ASB11: variants seen among roughly 807,000 people sequenced by gnomAD.
ASB11 encodes ankyrin repeat and SOCS box containing 11.
In ASB11, 17 loss-of-function variants were observed where a neutral mutation model predicts 20.1. The observed-to-expected ratio is 0.85, with a 90% CI of 0.58 to 1.27. ASB11 has a LOEUF of 1.27. ASB11 is among the 50% of genes most tolerant of loss of function. The pLI, the probability that ASB11 is intolerant of heterozygous loss-of-function variation, is 0.00. For synonymous variants in ASB11, 107 were observed against 105.6 expected, an observed-to-expected ratio of 1.01 and a Z score of -0.08; for missense variants, 259 against 256.9, an observed-to-expected ratio of 1.01 and a Z score of -0.06.
At chrX:15,297,494 C>G in intron 3 of ASB11, 80 bp downstream of exon 3, 1 of 858,054 alleles carries the variant, frequency 1.2e-6, no homozygotes, top group Non-Finnish European at 1.6e-6. Flanking sequence ...GTGGGTAAGC[C>G]ATCTGGAAGG....
In ASB11 at chrX:15,283,495, A is replaced by T. The variant is rs1927248954; in HGVS notation, c.*10T>A. On this transcript the variant is annotated 3_prime_UTR_variant, in exon 7 of 7. Transcript: ENST00000480796. ...TGTCATTCCAAGTATCTTCCCAGGA[A>T]CACTTAGGACTATTGGTATAGGAGG... 2.5e-6 allele frequency: 3 copies of T among 1,208,558 alleles called. No individual in the cohort carries two copies. The highest frequency in any genetic ancestry group is 3.4e-6 in the Non-Finnish European group (3 of 894,267).
intron 6 of ASB11, among the ~76,000 whole-genome samples, chrX:15,286,674 A>G (rs1315621061): frequency 9.4e-6 from 1 of 106,636 alleles, no homozygotes; most frequent in Non-Finnish European, 1.9e-5. Context: ...AAAAAAAAAA[A>G]AAAAAAAAAA....
chrX:15,301,119 C>T (rs969003521), intron 2 of ASB11, among the ~76,000 whole-genome samples: 3 of 110,838 alleles, frequency 2.7e-5, no homozygotes, highest in Non-Finnish European at 5.7e-5. Flanking sequence ...CCCACCACCA[C>T]GCCTGGCTAA....
chrX:15,311,331 A>T (rs751374438), intron 1 of ASB11, among the ~76,000 whole-genome samples: 1 of 112,474 alleles, frequency 8.9e-6, no homozygotes, highest in Non-Finnish European at 1.9e-5. Context: ...GAGCTAAAGG[A>T]GACTGGTGGA....
chrX:15,293,252 A>C lies in ASB11; in HGVS notation c.438T>G (p.Cys146Trp). 8.3e-7 allele frequency: 1 copy of C among 1,211,643 alleles called. No individual in the cohort carries two copies. Among genetic ancestry groups the C allele is most frequent in the East Asian group, 3.0e-5 (1 of 33,824 alleles). ...CTCCGAACTCCAGCAGCACATTGAC[A>C]CATGCAGCACTGCCGCTGCAGCAAG... is the stretch of plus-strand genomic sequence containing the variant. ...FNACCSGSAA[C>W]VNVLLEFGAK... Residue 146 changes from cysteine to tryptophan, a missense_variant, in exon 4 of 7, where the codon TGT becomes TGG. Coordinates refer to ENST00000480796, the MANE Select transcript of ASB11 (RefSeq NM_080873.3).
chrX:15,285,288 G>C (rs1007058179), intron 6 of ASB11, among the ~76,000 whole-genome samples: 4 of 109,297 alleles, frequency 3.7e-5, no homozygotes, highest in African/African-American at 1.3e-4. Context: ...TTACAGGCGG[G>C]TGCCACCAAA....
At chrX:15,300,572 A>T (rs1480770616) in intron 2 of ASB11, among the ~76,000 whole-genome samples, 1 of 112,494 alleles carries the variant, frequency 8.9e-6, no homozygotes, top group Non-Finnish European at 1.9e-5. Flanking sequence ...TAACCATATT[A>T]TTGAAGCTAA....
At chrX:15,308,970 G>A (rs1239617656) in intron 1 of ASB11, among the ~76,000 whole-genome samples, 1 of 111,443 alleles carries the variant, frequency 9.0e-6, no homozygotes, top group Non-Finnish European at 1.9e-5. Flanking sequence ...AGGCTGGAGT[G>A]CAGTGGTGCA....
chrX:15,301,525 AG>A lies in ASB11; in HGVS notation c.261+1202del, dbSNP rs1203572096. ...CATGCACACACAGACAGAGAGAGAG[AG>A]ACAGAGAGAGAGAGAGAAAGAAAAA... On this transcript the variant is annotated intron_variant, in intron 2 of 6. Transcript: ENST00000480796. Among the ~76,000 whole-genome samples, 432 of 111,210 alleles carry A rather than the reference AG, an allele frequency of 3.9e-3. 2 individuals carry two copies. The highest frequency in any genetic ancestry group is 0.014 in the African/African-American group (415 of 30,566).
chrX:15,310,250 G>A (rs1921389524), intron 1 of ASB11, among the ~76,000 whole-genome samples: 1 of 111,285 alleles, frequency 9.0e-6, no homozygotes, highest in South Asian at 3.8e-4. Context: ...TGGCAGCTTG[G>A]GAGTTTTTCC....
intron 6 of ASB11, among the ~76,000 whole-genome samples, chrX:15,285,888 G>A (rs972508499): frequency 3.6e-5 from 4 of 110,496 alleles, no homozygotes; most frequent in Non-Finnish European, 7.6e-5. Flanking sequence ...GCCTGTAATC[G>A]CAGCTACTCA....
At chrX:15,297,022 G>A (rs746816460) in intron 3 of ASB11, among the ~76,000 whole-genome samples, 92 of 112,525 alleles carry the variant, frequency 8.2e-4, no homozygotes, top group African/African-American at 2.8e-3. Context: ...GGCCGGGCGC[G>A]GTGGCTCACG....
chrX:15,290,177 C>G (rs1190756653), intron 4 of ASB11, among the ~76,000 whole-genome samples: 1 of 111,635 alleles, frequency 9.0e-6, no homozygotes, highest in Non-Finnish European at 1.9e-5. Context: ...ACTCCAGCTC[C>G]TCTTTACAGC....
In ASB11 at chrX:15,283,588, TC is replaced by T; in HGVS notation, c.888del (p.Lys297SerfsTer52). 1 of 1,209,700 alleles carries T rather than the reference TC, an allele frequency of 8.3e-7. No homozygotes were observed. The highest frequency in any genetic ancestry group is 1.1e-6 in the Non-Finnish European group (1 of 894,306). ...ALSQLCRLCV[R>X]KCLGRACHQA... The stretch of plus-strand genomic sequence containing the variant: ...TGATGACATGCTCGACCGAGACACT[TC>T]CGGACACACAGGCGGCAGAGCTGGG... On this transcript the variant is annotated frameshift_variant, in exon 7 of 7. Coordinates refer to ENST00000480796, the MANE Select transcript of ASB11 (RefSeq NM_080873.3). LOFTEE classifies it high-confidence loss of function.
At chrX:15,303,316 TACTAAC>T in intron 1 of ASB11, among the ~76,000 whole-genome samples, 1 of 111,079 alleles carries the variant, frequency 9.0e-6, no homozygotes, top group East Asian at 2.8e-4. Context: ...ACATGAAATA[TACTAAC>T]ACTAACAATA....
At chrX:15,289,424 T>C (rs1292209071) in intron 5 of ASB11, 80 bp downstream of exon 5, 6 of 1,008,618 alleles carry the variant, frequency 5.9e-6, no homozygotes, top group Non-Finnish European at 8.0e-6. Context: ...TTTTCAACCA[T>C]GACAAGAACT....
rs66828848 is a variant in ASB11 at position 15,312,507 on chromosome X, CAA to C, written c.181+2916_181+2917del. Among the ~76,000 whole-genome samples the C allele has an allele frequency of 2.8e-3, 170 of 61,799 alleles. 3 individuals carry two copies. Among genetic ancestry groups the C allele is most frequent in the East Asian group, 9.3e-3 (19 of 2,046 alleles). 53.7% of individuals were successfully genotyped at this position (61,799 alleles called of 115,157 possible). A position where few individuals can be genotyped will look rare whatever the true frequency, so the allele number is the denominator to read the frequency against. On this transcript the variant is annotated intron_variant, in intron 1 of 6. Transcript: ENST00000480796. ...GGCATGTGGTGTTAAATGCAGCTTC[CAA>C]AAAAAAAAAAAAAAAAGAGTGCTCT...
At chrX:15,291,736 A>T (rs949677280) in intron 4 of ASB11, among the ~76,000 whole-genome samples, 55 of 105,613 alleles carry the variant, frequency 5.2e-4, no homozygotes, top group Admixed American at 1.7e-3. Flanking sequence ...TAAAAAAATT[A>T]AAAAAAAAAG....
At chrX:15,302,289 T>A (rs1314906552) in intron 2 of ASB11, among the ~76,000 whole-genome samples, 1 of 111,866 alleles carries the variant, frequency 8.9e-6, no homozygotes, top group Non-Finnish European at 1.9e-5. Context: ...GCTAAGCTGC[T>A]CCCTGGCCCA....
Sources: gnomAD v4.1 joint callset for allele counts (sites outside exome capture counted in the v4.1 genomes callset) on GRCh38, gnomAD v4.1.1 for gene constraint, MANE v1.5 for transcripts, NCBI Gene and HGNC (gene_info 2026-07-23, HGNC 2026-07-21) for gene names.